The following DOCK8 variants were observed in gnomAD, a reference collection of about 807,000 sequenced individuals.
DOCK8 encodes the protein dedicator of cytokinesis 8, also known as dedicator of cytokinesis protein 8.
In DOCK8, 141 loss-of-function variants were observed where a neutral mutation model predicts 245.6. That is an observed-to-expected ratio of 0.57 (90% CI 0.50 to 0.66). The LOEUF (loss-of-function observed/expected upper bound fraction) is 0.66, where lower values mean the gene tolerates loss of function less well. Among genes scored for constraint, DOCK8 ranks in the 30% least tolerant of loss-of-function variants. DOCK8 has a pLI of 0.00. For missense variants in DOCK8, 2,965 were observed against 2,603.4 expected (o/e 1.14, Z -3.02); for synonymous variants, 1,168 against 970.2 (o/e 1.20, Z -3.79).
chr9:457,273 C>G (rs956460209), intron 46 of DOCK8, among the ~76,000 whole-genome samples: 1 of 152,194 alleles, frequency 6.6e-6, no homozygotes, highest in Non-Finnish European at 1.5e-5. Flanking sequence ...CATTCTGCCT[C>G]AACTAGATGT....
intron 14 of DOCK8, among the ~76,000 whole-genome samples, chr9:344,878 C>T (rs1283888465): frequency 1.3e-5 from 2 of 152,020 alleles, no homozygotes; most frequent in Non-Finnish European, 2.9e-5. Context: ...ACGGTGACCC[C>T]TTGTCTCTAC....
chr9:324,760 C>G (rs1413247822), intron 7 of DOCK8, among the ~76,000 whole-genome samples: 1 of 152,186 alleles, frequency 6.6e-6, no homozygotes, highest in East Asian at 1.9e-4. Flanking sequence ...AGCAATTGAA[C>G]TTTTCTTTTG....
In DOCK8 at chr9:289,692, G is replaced by C. The variant is rs569237759; in HGVS notation, c.404+111G>C. 4 of 950,638 alleles carry C rather than the reference G, an allele frequency of 4.2e-6. No homozygotes were observed. The African/African-American group carries it at 6.6e-5, about 16-fold the overall frequency. 58.9% of individuals were successfully genotyped at this position (950,638 alleles called of 1,614,324 possible). A position where few individuals can be genotyped will look rare whatever the true frequency, so the allele number is the denominator to read the frequency against. ...TCTAGGTTTACAGAAAAATTGCATGGCAAATAGAGTTCTCATGTATGCCTT... is the reference window on the plus strand; with the variant it reads ...TCTAGGTTTACAGAAAAATTGCATGCCAAATAGAGTTCTCATGTATGCCTT... On this transcript the variant is annotated intron_variant, in intron 4 of 47. Coordinates refer to ENST00000432829, the MANE Select transcript of DOCK8 (RefSeq NM_203447.4).
intron 1 of DOCK8, among the ~76,000 whole-genome samples, chr9:239,194 C>G (rs2047327512): frequency 6.6e-6 from 1 of 152,168 alleles, no homozygotes; most frequent in South Asian, 2.1e-4. Context: ...CCCTCTGAAA[C>G]ACATACACAC....
At position 420,390 on chromosome 9, in the gene DOCK8, C is replaced by T. The variant is rs372829200; in HGVS notation, c.3841-11C>T. On this transcript the variant is annotated splice_polypyrimidine_tract_variant and intron_variant, in intron 30 of 47. Coordinates refer to ENST00000432829, the MANE Select transcript of DOCK8 (RefSeq NM_203447.4). ...TCCCTGGCCTCCATCCCCCAATCTG[C>T]CTCCCTTCAGCCCTATAAGCAGTAC... 1.3e-4 allele frequency: 215 copies of T among 1,614,060 alleles called. No individual in the cohort carries two copies. The African/African-American group carries it at 2.6e-3, about 20-fold the overall frequency.
chr9:227,009 A>G (rs921101184), intron 1 of DOCK8, among the ~76,000 whole-genome samples: 1 of 152,214 alleles, frequency 6.6e-6, no homozygotes, highest in African/African-American at 2.4e-5. Flanking sequence ...TGATCAATAC[A>G]TATAACAAGG....
chr9:403,949 T>C (rs1462710830), intron 26 of DOCK8, among the ~76,000 whole-genome samples: 21 of 83,042 alleles, frequency 2.5e-4, no homozygotes, highest in Admixed American at 6.4e-4. Context: ...TATATGTGTA[T>C]ATATATATAT....
At position 255,624 on chromosome 9, in the gene DOCK8, C is replaced by T. The variant is rs190106612; in HGVS notation, c.54-16003C>T. 2.0e-3 allele frequency among the ~76,000 whole-genome samples: 278 copies of T among 137,040 alleles called. 1 individual carries two copies. Among genetic ancestry groups the T allele is most frequent in the Non-Finnish European group, 3.2e-3 (213 of 65,642 alleles). The allele number at this position is 137,040 out of a possible 152,430, so 89.9% of individuals were successfully genotyped here. On this transcript the variant is annotated intron_variant, in intron 1 of 47. Transcript: ENST00000432829. ...TGGAGGTTGCAGTGAGCCGAGATCG[C>T]GCCACTGCACTCCAGCCTGGGGGAT...
chr9:379,682 G>A (rs2053660715), intron 20 of DOCK8, 89 bp from the exon 21 acceptor site: 1 of 1,445,998 alleles, frequency 6.9e-7, no homozygotes. Flanking sequence ...CAGCGGTCAG[G>A]ACTCATTGTC....
At chr9:336,000 C>A (rs1415768039) in intron 11 of DOCK8, among the ~76,000 whole-genome samples, 3 of 152,132 alleles carry the variant, frequency 2.0e-5, no homozygotes, top group Non-Finnish European at 4.4e-5. Flanking sequence ...AACAACTGGG[C>A]AAACTATCAG....
intron 46 of DOCK8, chr9:458,041 T>C (rs2057696027): frequency 6.6e-6 from 1 of 152,206 alleles, no homozygotes. Context: ...GCTGAGCTGT[T>C]CCCTCTAGTG....
At chr9:225,885 G>A (rs964461420) in intron 1 of DOCK8, among the ~76,000 whole-genome samples, 3 of 152,136 alleles carry the variant, frequency 2.0e-5, no homozygotes, top group Non-Finnish European at 2.9e-5. Flanking sequence ...TGAGGCAGGA[G>A]TAAATTTGAT....
chr9:428,044 A>C (rs2056563802), intron 34 of DOCK8, among the ~76,000 whole-genome samples: 1 of 152,222 alleles, frequency 6.6e-6, no homozygotes, highest in African/African-American at 2.4e-5. Flanking sequence ...GCATCCCATA[A>C]GGAAAGCTAT....
chr9:390,666 A>C, intron 24 of DOCK8, 100 bp downstream of exon 24: 1 of 1,147,200 alleles, frequency 8.7e-7, no homozygotes, highest in Non-Finnish European at 1.3e-6. Context: ...CCTGCTGAAA[A>C]CCTGGGGTGG....
chr9:214,474 TCG>T, upstream of DOCK8: 1 of 1,584,314 alleles, frequency 6.3e-7, no homozygotes, highest in Non-Finnish European at 8.6e-7. Context: ...GCTGCCTTCT[TCG>T]AGAATGGTGT....
intron 15 of DOCK8, chr9:368,507 G>A: frequency 1.7e-6 from 1 of 576,038 alleles, no homozygotes; most frequent in Non-Finnish European, 3.1e-6. Context: ...TGTACACACT[G>A]TGTTATACAC....
In DOCK8 at chr9:215,014, C is replaced by T. The variant is rs768525450; in HGVS notation, c.38C>T (p.Ala13Val). 1.9e-6 allele frequency: 3 copies of T among 1,591,250 alleles called. No homozygotes were observed. Among genetic ancestry groups the T allele is most frequent in the African/African-American group, 2.7e-5 (2 of 73,058 alleles). The change falls in exon 1 of 48, where the codon GCG becomes GTG. Residue 13 changes from alanine to valine, a missense_variant. This residue lies in a region of DOCK8 where 2,825 missense variants were observed against 2,453.5 expected (regional missense o/e 1.15). Transcript: ENST00000432829. ...TLPSAERRAF[A>V]LKINRYSSAE... is the part of the protein sequence containing the mutation. Reference sequence around the variant, plus strand: ...CCGAGCGCAGAGCGCCGCGCGTTCGCGCTCAAGATCAACAGGTAAGACGCC... The same window carrying T: ...CCGAGCGCAGAGCGCCGCGCGTTCGTGCTCAAGATCAACAGGTAAGACGCC...
In DOCK8 at chr9:382,007, G is replaced by T. The variant is rs1440905069; in HGVS notation, c.2606-506G>T. 2.0e-5 allele frequency among the ~76,000 whole-genome samples: 3 copies of T among 151,592 alleles called. No homozygotes were observed. The East Asian group carries it at 5.8e-4, about 29-fold the overall frequency. On this transcript the variant is annotated intron_variant, in intron 21 of 47. Coordinates refer to ENST00000432829, the MANE Select transcript of DOCK8 (RefSeq NM_203447.4). Reference sequence around the variant, plus strand: ...TAATATCTCATAGATTTCCATAACCGCTTGTGAAAACATGTCAACATTTAA... The same window carrying T: ...TAATATCTCATAGATTTCCATAACCTCTTGTGAAAACATGTCAACATTTAA...
Position 439,382 on chromosome 9 carries a change from C to T in DOCK8, c.5217C>T (p.Phe1739=), listed in dbSNP as rs989480432. The change falls in exon 40 of 48, where the codon TTC becomes TTT. Residue 1739 remains phenylalanine, a synonymous_variant. Coordinates refer to ENST00000432829, the MANE Select transcript of DOCK8 (RefSeq NM_203447.4). ...TCCTGGAGCAGGCCGCGGAGCTCTT[C>T]AGCACGGTCAGTGCCCAGAGGGCAT... is the stretch of plus-strand genomic sequence containing the variant. The part of the protein sequence containing the change: ...VGLLEQAAEL[F]STGGLYETVN... 6.2e-7 allele frequency: 1 copy of T among 1,613,108 alleles called. No homozygotes were observed. The highest frequency in any genetic ancestry group is 8.5e-7 in the Non-Finnish European group (1 of 1,179,934).
Sources: gnomAD v4.1 joint callset for allele counts (sites outside exome capture counted in the v4.1 genomes callset) on GRCh38, gnomAD v4.1.1 for gene constraint, gnomAD v4.1.1 regional missense constraint, MANE v1.5 for transcripts, NCBI Gene and HGNC (gene_info 2026-07-23, HGNC 2026-07-21) for gene names.